Variants in ZNF609 observed in about 807,000 individuals in gnomAD.
The protein encoded by ZNF609 is zinc finger protein 609.
In ZNF609, 11 loss-of-function variants were observed where a neutral mutation model predicts 109.5. The ratio of observed to expected loss-of-function variants is 0.10; its 90% CI spans 0.06 to 0.17. The LOEUF (loss-of-function observed/expected upper bound fraction) is 0.17, where lower values mean the gene tolerates loss of function less well. ZNF609 is among the 10% of genes least tolerant of loss of function. The pLI, the probability that ZNF609 is intolerant of heterozygous loss-of-function variation, is 1.00. For missense variants in ZNF609, 1,559 were observed against 1,772.4 expected, an observed-to-expected ratio of 0.88 and a Z score of 2.16; for synonymous variants, 646 against 662.0, an observed-to-expected ratio of 0.98 and a Z score of 0.37.
chr15:64,541,453 A>G (rs1290450858), intron 2 of ZNF609, among the ~76,000 whole-genome samples: 3 of 150,240 alleles, frequency 2.0e-5, no homozygotes, highest in East Asian at 2.0e-4. Context: ...AAAGAATTGC[A>G]TTTTTCTGAA....
chr15:64,662,550 C>G (rs1422549249), intron 3 of ZNF609, among the ~76,000 whole-genome samples: 1 of 152,198 alleles, frequency 6.6e-6, no homozygotes, highest in African/African-American at 2.4e-5. Flanking sequence ...GTTTCGAATT[C>G]CTATGCTCAA....
chr15:64,479,429 C>A (rs1486733521), intron 1 of ZNF609, among the ~76,000 whole-genome samples: 1 of 151,264 alleles, frequency 6.6e-6, no homozygotes, highest in Non-Finnish European at 1.5e-5. Flanking sequence ...GTAGCTGAGA[C>A]TACAGGTGCC....
chr15:64,579,216 A>C (rs1895052949), intron 2 of ZNF609, among the ~76,000 whole-genome samples: 1 of 150,916 alleles, frequency 6.6e-6, no homozygotes, highest in African/African-American at 2.4e-5. Flanking sequence ...AAAAAATTTA[A>C]GAATTAGCTA....
At chr15:64,631,749 G>C (rs1896083974) in intron 3 of ZNF609, 2 of 214,512 alleles carry the variant, frequency 9.3e-6, no homozygotes, top group Admixed American at 1.2e-4. Flanking sequence ...TCTCCATGTT[G>C]GTCAGGCTAG....
At chr15:64,573,179 A>T (rs1357547800) in intron 2 of ZNF609, among the ~76,000 whole-genome samples, 1 of 151,960 alleles carries the variant, frequency 6.6e-6, no homozygotes, top group African/African-American at 2.4e-5. Flanking sequence ...TGAGAAAGTA[A>T]GCAGAAACCA....
chr15:64,492,142 C>CT lies in ZNF609; in HGVS notation c.-127-7150dup, dbSNP rs1241084938. Reference sequence around the variant, plus strand: ...CCTGTAATCCCAGCTACTTGGGAGGCTGAGGCAGGAGAATTGCTTGAAGCC... The same window carrying CT: ...CCTGTAATCCCAGCTACTTGGGAGGCTTGAGGCAGGAGAATTGCTTGAAGCC... On this transcript the variant is annotated intron_variant, in intron 1 of 9. Coordinates refer to ENST00000326648, the MANE Select transcript of ZNF609 (RefSeq NM_015042.2). Among the ~76,000 whole-genome samples the CT allele has an allele frequency of 2.0e-5, 3 of 152,068 alleles. No individual in the cohort carries two copies. In the East Asian group the frequency reaches 5.8e-4, roughly 30 times the overall value.
At chr15:64,559,926 T>C (rs1271789121) in intron 2 of ZNF609, among the ~76,000 whole-genome samples, 2 of 152,216 alleles carry the variant, frequency 1.3e-5, no homozygotes, top group African/African-American at 4.8e-5. Context: ...AAATAGAAGT[T>C]AAAATGATAA....
intron 1 of ZNF609, among the ~76,000 whole-genome samples, chr15:64,474,480 T>C (rs1437102041): frequency 1.3e-5 from 2 of 152,212 alleles, no homozygotes; most frequent in Admixed American, 6.5e-5. Context: ...CCCAAAGTGC[T>C]GGGATTACAG....
intron 1 of ZNF609, 66 bp from the exon 2 acceptor site, chr15:64,499,227 G>A (rs1239893204): frequency 7.7e-6 from 5 of 645,512 alleles, no homozygotes; most frequent in Non-Finnish European, 1.3e-5. Context: ...TTGTGTGGGA[G>A]TTTATTTCAG....
intron 2 of ZNF609, among the ~76,000 whole-genome samples, chr15:64,591,290 T>C (rs1335100108): frequency 1.3e-5 from 2 of 152,086 alleles, no homozygotes; most frequent in African/African-American, 4.8e-5. Flanking sequence ...TAGCTGAGTG[T>C]GGTGGCATGC....
At chr15:64,621,979 G>A (rs899089423) in intron 2 of ZNF609, among the ~76,000 whole-genome samples, 1 of 152,010 alleles carries the variant, frequency 6.6e-6, no homozygotes, top group Non-Finnish European at 1.5e-5. Flanking sequence ...GCCCACCTCG[G>A]CCTCCCAAAG....
At chr15:64,460,547 A>G (rs1233961983), upstream of ZNF609, among the ~76,000 whole-genome samples, 1 of 152,092 alleles carries the variant, frequency 6.6e-6, no homozygotes, top group Non-Finnish European at 1.5e-5. Context: ...AGGGCCTGGC[A>G]GTCCAGTGTC....
At chr15:64,462,815 T>C (rs1347767153) in intron 1 of ZNF609, among the ~76,000 whole-genome samples, 1 of 152,144 alleles carries the variant, frequency 6.6e-6, no homozygotes, top group Non-Finnish European at 1.5e-5. Context: ...ATTAAGAAAT[T>C]TGCCAAAGAA....
At chr15:64,639,243 A>G (rs75840099) in intron 3 of ZNF609, among the ~76,000 whole-genome samples, 4,776 of 152,294 alleles carry the variant, frequency 0.031, 109 homozygotes, top group South Asian at 0.081. Context: ...GCAGCAATTC[A>G]GTGAGGCTAG....
chr15:64,583,749 G>A (rs1895149489), intron 2 of ZNF609, among the ~76,000 whole-genome samples: 1 of 152,144 alleles, frequency 6.6e-6, no homozygotes, highest in African/African-American at 2.4e-5. Flanking sequence ...AGGGGAGGTG[G>A]GAGGAGGCTG....
chr15:64,505,464 G>T (rs1199865264), intron 2 of ZNF609, among the ~76,000 whole-genome samples: 3 of 152,148 alleles, frequency 2.0e-5, no homozygotes, highest in African/African-American at 7.2e-5. Context: ...TTTTCATTCA[G>T]TCAGTACATT....
At chr15:64,577,872 C>T (rs1895027680) in intron 2 of ZNF609, among the ~76,000 whole-genome samples, 1 of 151,306 alleles carries the variant, frequency 6.6e-6, no homozygotes, top group Admixed American at 6.6e-5. Flanking sequence ...AAAAAGAAAG[C>T]AGGCTTAGTG....
chr15:64,478,619 C>G (rs540690525), intron 1 of ZNF609, among the ~76,000 whole-genome samples: 2 of 152,060 alleles, frequency 1.3e-5, no homozygotes, highest in African/African-American at 4.8e-5. Context: ...CTCAAGTGAT[C>G]CCCCACTTCC....
At chr15:64,523,105 T>C (rs963793411) in intron 2 of ZNF609, among the ~76,000 whole-genome samples, 14 of 152,302 alleles carry the variant, frequency 9.2e-5, no homozygotes, top group African/African-American at 3.4e-4. Flanking sequence ...TCTTTGACAT[T>C]TATAATATCA....
Sources: gnomAD v4.1 joint callset for allele counts (sites outside exome capture counted in the v4.1 genomes callset) on GRCh38, gnomAD v4.1.1 for gene constraint, MANE v1.5 for transcripts, NCBI Gene and HGNC (gene_info 2026-07-23, HGNC 2026-07-21) for gene names.